Variants in IL19 observed in about 807,000 individuals in gnomAD.
IL19 encodes the protein interleukin-19.
IL19 carries 15 observed loss-of-function variants against 19.5 expected under a neutral mutation model. That is an observed-to-expected ratio of 0.77 (90% CI 0.52 to 1.19). The LOEUF (loss-of-function observed/expected upper bound fraction) is 1.19. IL19 is among the 50% of genes most tolerant of loss of function. The pLI, the probability that IL19 is intolerant of heterozygous loss-of-function variation, is 0.00. For missense variants in IL19, 199 were observed against 213.1 expected, an observed-to-expected ratio of 0.93 and a Z score of 0.41; for synonymous variants, 78 against 78.3, an observed-to-expected ratio of 1.00 and a Z score of 0.02.
intron 5 of IL19, 61 bp from the exon 6 acceptor site, chr1:206,840,943 G>T: frequency 1.5e-6 from 2 of 1,342,424 alleles, no homozygotes; most frequent in Admixed American, 3.4e-5. Context: ...GGGGAGGCAG[G>T]AGTAAGAGAG....
intron 2 of IL19, among the ~76,000 whole-genome samples, chr1:206,828,120 A>G (rs377077807): frequency 0.044 from 50 of 1,134 alleles, no homozygotes; most frequent in South Asian, 0.22. Flanking sequence ...TTAATAAAAC[A>G]TGACTGGAGT....
intron 2 of IL19, chr1:206,834,137 A>G (rs1031159949): frequency 2.0e-6 from 2 of 985,584 alleles, no homozygotes; most frequent in African/African-American, 1.7e-5. Context: ...TATTTTTCCT[A>G]GAAGCTGCAT....
rs1054097136 is a variant in IL19 at position 206,842,565 on chromosome 1, G to A, written c.477G>A (p.Glu159=). 1.3e-6 allele frequency: 2 copies of A among 1,576,866 alleles called. No individual in the cohort carries two copies. The highest frequency in any genetic ancestry group is 1.3e-5 in the African/African-American group (1 of 74,484). The change falls in exon 7 of 7, where the codon GAG becomes GAA. Residue 159 remains glutamate, a synonymous_variant. Coordinates refer to ENST00000659997, the MANE Select transcript of IL19 (RefSeq NM_153758.5). ...VHAAAIKSLG[E]LDVFLAWINK... ...CTGCTGCCATTAAATCCCTGGGAGA[G>A]CTCGACGTCTTTCTAGCCTGGATTA...
At chr1:206,812,982 T>G (rs1161709505) in intron 2 of IL19, among the ~76,000 whole-genome samples, 1 of 152,220 alleles carries the variant, frequency 6.6e-6, no homozygotes, top group Non-Finnish European at 1.5e-5. Context: ...ATCCTGAATT[T>G]GGGGAGAAGG....
chr1:206,785,705 T>A (rs576826113), intron 1 of IL19, among the ~76,000 whole-genome samples: 1 of 152,354 alleles, frequency 6.6e-6, no homozygotes, highest in African/African-American at 2.4e-5. Flanking sequence ...AGATGTTGCC[T>A]GAGGCTGTTC....
chr1:206,839,480 G>A (rs1256456917), intron 4 of IL19, among the ~76,000 whole-genome samples: 1 of 152,182 alleles, frequency 6.6e-6, no homozygotes, highest in Non-Finnish European at 1.5e-5. Context: ...TTTCAAGAAA[G>A]CTGCTCAGCC....
intron 2 of IL19, among the ~76,000 whole-genome samples, chr1:206,811,981 C>A (rs1434039244): frequency 6.6e-6 from 1 of 152,188 alleles, no homozygotes; most frequent in East Asian, 1.9e-4. Context: ...TTCAAAAGAA[C>A]TGCAGCAATG....
At chr1:206,829,557 G>T (rs1201148317) in intron 2 of IL19, among the ~76,000 whole-genome samples, 2 of 152,186 alleles carry the variant, frequency 1.3e-5, no homozygotes, top group African/African-American at 2.4e-5. Context: ...TGTAGGCGAA[G>T]TCCAGGCTGT....
intron 6 of IL19, among the ~76,000 whole-genome samples, chr1:206,841,682 G>C (rs1278530295): frequency 6.6e-6 from 1 of 152,214 alleles, no homozygotes; most frequent in African/African-American, 2.4e-5. Context: ...AAGAGTTAGG[G>C]AGTCTGTTAT....
intron 2 of IL19, among the ~76,000 whole-genome samples, chr1:206,831,725 C>G (rs1368719764): frequency 1.3e-5 from 2 of 152,168 alleles, no homozygotes; most frequent in Non-Finnish European, 2.9e-5. Flanking sequence ...GATGAGTAAA[C>G]AGGCACTGAG....
chr1:206,823,105 T>C (rs1409983327), intron 2 of IL19, among the ~76,000 whole-genome samples: 5 of 151,980 alleles, frequency 3.3e-5, no homozygotes, highest in Non-Finnish European at 7.4e-5. Context: ...AATTTTTGTA[T>C]TTGTAGTAGA....
rs74151405 is a variant in IL19 at position 206,815,086 on chromosome 1, A to G, written c.-3+16080A>G. Among the ~76,000 whole-genome samples, 665 of 152,288 alleles carry G rather than the reference A, an allele frequency of 4.4e-3. 3 individuals are homozygous for G. The highest frequency in any genetic ancestry group is 0.015 in the African/African-American group (639 of 41,568). ...GGACTGCCAGATCCACTTTCAAGAT[A>G]TTTCATTCATATGGCTGAGGCTGGC... On this transcript the variant is annotated intron_variant, in intron 2 of 6. Transcript: ENST00000659997.
intron 2 of IL19, among the ~76,000 whole-genome samples, chr1:206,816,194 G>T (rs1186978940): frequency 6.6e-6 from 1 of 152,132 alleles, no homozygotes; most frequent in East Asian, 1.9e-4. Context: ...TAGGCAGGAA[G>T]AAAATGATAT....
At chr1:206,810,225 A>T in intron 2 of IL19, among the ~76,000 whole-genome samples, 1 of 152,228 alleles carries the variant, frequency 6.6e-6, no homozygotes, top group East Asian at 1.9e-4. Flanking sequence ...GATTGAATTT[A>T]TTGGGGGTAT....
At position 206,819,214 on chromosome 1, in the gene IL19, T is replaced by C. The variant is rs1025679136; in HGVS notation, c.-2-17447T>C. Among the ~76,000 whole-genome samples the C allele has an allele frequency of 3.3e-5, 5 of 152,142 alleles. No homozygotes were observed. In the East Asian group the frequency reaches 9.6e-4, roughly 29 times the overall value. On this transcript the variant is annotated intron_variant, in intron 2 of 6. Coordinates refer to ENST00000659997, the MANE Select transcript of IL19 (RefSeq NM_153758.5). ...TCTCAGAGTTTAGCATTTCTTAACA[T>C]CATCTTAACCCACACTGTTCAATAT... is the stretch of plus-strand genomic sequence containing the variant.
intron 1 of IL19, among the ~76,000 whole-genome samples, chr1:206,793,648 G>T (rs1675456539): frequency 6.6e-6 from 1 of 152,158 alleles, no homozygotes; most frequent in African/African-American, 2.4e-5. Flanking sequence ...GAAAGGTTGG[G>T]CCTTCCTTTC....
chr1:206,777,578 G>A (rs561043198), intron 1 of IL19, among the ~76,000 whole-genome samples: 2 of 152,290 alleles, frequency 1.3e-5, no homozygotes, highest in Admixed American at 1.3e-4. Flanking sequence ...CAGAGGGAAG[G>A]TTCAGGGATC....
chr1:206,838,322 A>T (rs1676868229), intron 4 of IL19, among the ~76,000 whole-genome samples: 1 of 152,158 alleles, frequency 6.6e-6, no homozygotes, highest in African/African-American at 2.4e-5. Context: ...CAGTTTTGGG[A>T]GGGATTTTGT....
chr1:206,773,784 G>C (rs1012046644), intron 1 of IL19, among the ~76,000 whole-genome samples: 2 of 152,172 alleles, frequency 1.3e-5, no homozygotes, highest in African/African-American at 2.4e-5. Context: ...CAGGGGCTTT[G>C]CCTGCCATTC....
Sources: allele counts gnomAD v4.1 joint callset (sites outside exome capture counted in the v4.1 genomes callset), GRCh38; gene constraint gnomAD v4.1.1; transcripts MANE v1.5; gene names NCBI Gene and HGNC (gene_info 2026-07-23, HGNC 2026-07-21).